The following NCAPD3 variants were observed in gnomAD, a reference collection of about 807,000 sequenced individuals.
NCAPD3 encodes condensin-2 complex subunit D3.
A neutral mutation model predicts 182.9 loss-of-function variants in NCAPD3; 105 were observed. That is an observed-to-expected ratio of 0.57 (90% CI 0.49 to 0.68). The LOEUF is 0.68. Ranked by LOEUF, NCAPD3 falls within the 30% of genes least tolerant of loss-of-function variation. The pLI is 0.00. For synonymous variants in NCAPD3, 815 were observed against 679.9 expected, an observed-to-expected ratio of 1.20 and a Z score of -3.09; for missense variants, 1,944 against 1,837.0, an observed-to-expected ratio of 1.06 and a Z score of -1.07.
Position 134,210,454 on chromosome 11 carries a change from C to T in NCAPD3, c.383G>A (p.Gly128Asp). The T allele has an allele frequency of 3.1e-6, 5 of 1,612,652 alleles. No homozygotes were observed. The highest frequency in any genetic ancestry group is 4.2e-6 in the Non-Finnish European group (5 of 1,178,864). Residue 128 changes from glycine (G) to aspartate (D), a missense_variant and splice_region_variant, in exon 4 of 35, where the codon GGC (glycine) becomes GAC (aspartate). Gly to Asp is a moderately conservative substitution (Grantham distance 94, BLOSUM62 -1). Coordinates refer to ENST00000534548, the MANE Select transcript of NCAPD3 (RefSeq NM_015261.3). ...GLYFLLLEVP[G>D]SVANQVFHPV... ...GTGGAATACTTGATTGGCTACACTG[C>T]CTATTCATGAGGAATAAAGAGTAAG...
chr11:134,165,966 G>A (rs189767419), intron 27 of NCAPD3, among the ~76,000 whole-genome samples: 2 of 117,174 alleles, frequency 1.7e-5, no homozygotes, highest in East Asian at 2.9e-4. Context: ...TTGGGGGAGG[G>A]GCACACTCAG....
chr11:134,167,776 G>A (rs1565527079), intron 27 of NCAPD3, among the ~76,000 whole-genome samples: 1 of 137,136 alleles, frequency 7.3e-6, no homozygotes, highest in African/African-American at 2.8e-5. Context: ...CTTGTGAGAT[G>A]AGCTTGGGGG....
Position 134,204,755 on chromosome 11 carries a change from T to C in NCAPD3, c.1089+144A>G, listed in dbSNP as rs1591856485. 2 of 625,974 alleles carry C rather than the reference T, an allele frequency of 3.2e-6. No homozygotes were observed. The highest frequency in any genetic ancestry group is 3.4e-5 in the Admixed American group (1 of 29,118). The allele number at this position is 625,974 out of a possible 1,614,324, so 38.8% of individuals were successfully genotyped here. On this transcript the variant is annotated intron_variant, in intron 9 of 34. Transcript: ENST00000534548. This position sits in a 1 kb window ranked among gnomAD's most constrained non-coding sequence, Gnocchi z 4.3. ...GAACACTTTTGTCTAGGGGACCATC[T>C]AGTGAACATTAAATAAAACCACTTT...
intron 27 of NCAPD3, among the ~76,000 whole-genome samples, chr11:134,165,114 C>A (rs1044540730): frequency 3.3e-5 from 5 of 151,330 alleles, no homozygotes; most frequent in African/African-American, 1.2e-4. Flanking sequence ...GCTGCACACT[C>A]ACTTGTGAGA....
intron 24 of NCAPD3, among the ~76,000 whole-genome samples, chr11:134,175,097 T>A (rs1944127821): frequency 6.6e-6 from 1 of 152,252 alleles, no homozygotes; most frequent in Admixed American, 6.5e-5. Context: ...ATGCTCTTCA[T>A]TTGATTGATG....
rs1943280421 is a variant in NCAPD3 at position 134,152,595 on chromosome 11, C to CTTGA, written c.*345_*348dup. 5.4e-6 allele frequency: 1 copy of CTTGA among 186,896 alleles called. No individual in the cohort carries two copies. The highest frequency in any genetic ancestry group is 1.1e-5 in the Non-Finnish European group (1 of 91,940). The allele number at this position is 186,896 out of a possible 1,614,324, so 11.6% of individuals were successfully genotyped here. A position where few individuals can be genotyped will look rare whatever the true frequency, so the allele number is the denominator to read the frequency against. On this transcript the variant is annotated 3_prime_UTR_variant, in exon 35 of 35. Coordinates refer to ENST00000534548, the MANE Select transcript of NCAPD3 (RefSeq NM_015261.3). ...TATAAGGAATTCAAGTTAACAGAGG[C>CTTGA]TTGATTTATATAAAAGAAAGCTGCA...
rs752677478 is a variant in NCAPD3 at position 134,216,975 on chromosome 11, G to A, written c.343C>T (p.His115Tyr). The A allele has an allele frequency of 1.2e-6, 2 of 1,613,498 alleles. No homozygotes were observed. Among genetic ancestry groups the A allele is most frequent in the Admixed American group, 1.7e-5 (1 of 59,952 alleles). ...AGCAAAAAGTAAAGCCCAGCGGCAT[G>A]AAGGCCATATTCTCGATACTGTACA... ...VSVQYREYGL[H>Y]AAGLYFLLLE... Residue 115 changes from histidine to tyrosine, a missense_variant, in exon 3 of 35, where the codon CAT becomes TAT. Coordinates refer to ENST00000534548, the MANE Select transcript of NCAPD3 (RefSeq NM_015261.3).
Position 134,162,976 on chromosome 11 carries a change from G to A in NCAPD3, c.3574-1085C>T, listed in dbSNP as rs574907737. 3.9e-5 allele frequency among the ~76,000 whole-genome samples: 6 copies of A among 152,264 alleles called. No individual in the cohort carries two copies. In the South Asian group the frequency reaches 1.2e-3, roughly 32 times the overall value. On this transcript the variant is annotated intron_variant, in intron 27 of 34. Transcript: ENST00000534548. ...AGGATGTGTGGAGAAGGGAGGATGG[G>A]TGGGTGAGGGCGCTGCAGACTTTAG... is the stretch of plus-strand genomic sequence containing the variant.
intron 7 of NCAPD3, among the ~76,000 whole-genome samples, chr11:134,208,202 A>ATG (rs1342987043): frequency 3.3e-5 from 5 of 152,222 alleles, no homozygotes; most frequent in Non-Finnish European, 5.9e-5. Context: ...CGCGTCGCAG[A>ATG]TACCAAAAGC....
rs752232158 is a variant in NCAPD3, at chr11:134,153,039, G to A, written c.4402C>T (p.Gln1468Ter). The A allele has an allele frequency of 6.2e-7, 1 of 1,602,624 alleles. No individual in the cohort carries two copies. The highest frequency in any genetic ancestry group is 1.1e-5 in the South Asian group (1 of 89,852). ...SLPDKPPPQP[Q>*]QWNVRSPARN... is the part of the protein sequence containing the mutation. ...GCGGGAGACCGCACATTCCACTGCT[G>A]AGGCTGTGGGGGCCTAGGGAAAGGA... The change falls in exon 35 of 35, where the codon CAG (glutamine) becomes TAG (stop). Residue 1468 changes from glutamine to a stop codon, truncating the protein, a stop_gained. Transcript: ENST00000534548. LOFTEE classifies it high-confidence loss of function.
At chr11:134,157,185 G>A (rs1049900911) in intron 31 of NCAPD3, 90 bp from the exon 32 acceptor site, 7 of 1,018,588 alleles carry the variant, frequency 6.9e-6, no homozygotes, top group South Asian at 5.4e-5. Flanking sequence ...TCTGCAAGAC[G>A]TAAAGTCAAA....
chr11:134,188,197 C>T (rs1944451086), intron 16 of NCAPD3, among the ~76,000 whole-genome samples: 1 of 151,956 alleles, frequency 6.6e-6, no homozygotes, highest in Non-Finnish European at 1.5e-5. Flanking sequence ...TATAAATGCA[C>T]CAATTAGCAC....
In NCAPD3 at chr11:134,206,524, T is replaced by A. The variant is rs1359157432; in HGVS notation, c.1016+75A>T. The A allele has an allele frequency of 1.9e-6, 3 of 1,561,968 alleles. No individual in the cohort carries two copies. The East Asian group carries it at 6.8e-5, about 35-fold the overall frequency. ...GCCAGAAATTTTAAGTCTACATGTA[T>A]CAGAAATCTTAGTGCAGGGCCCAGA... On this transcript the variant is annotated intron_variant, in intron 8 of 34. Transcript: ENST00000534548.
chr11:134,209,517 C>A, intron 4 of NCAPD3, 40 bp from the exon 5 acceptor site: 1 of 1,561,922 alleles, frequency 6.4e-7, no homozygotes. Flanking sequence ...GTAATAAATG[C>A]CAAACACTTT....
In NCAPD3 at chr11:134,181,203, CAT is replaced by C. The variant is rs776535730; in HGVS notation, c.2452-21_2452-20del. On this transcript the variant is annotated intron_variant, in intron 19 of 34. Coordinates refer to ENST00000534548, the MANE Select transcript of NCAPD3 (RefSeq NM_015261.3). ...GCAATTCCTACGGCAAGTCAAAAGT[CAT>C]CTCTGAAGGGCCCCGCACATCTCCC... is the stretch of plus-strand genomic sequence containing the variant. The C allele has an allele frequency of 1.1e-5, 17 of 1,575,694 alleles. No individual in the cohort carries two copies. Among genetic ancestry groups the C allele is most frequent in the Middle Eastern group, 3.3e-4 (2 of 6,044 alleles).
chr11:134,153,527 C>A, intron 32 of NCAPD3, 164 bp from the exon 33 acceptor site: 1 of 697,832 alleles, frequency 1.4e-6, no homozygotes. Flanking sequence ...GTTGAGGGCC[C>A]CTCCTGGGGA....
chr11:134,202,223 C>A (rs1222265297), intron 13 of NCAPD3, among the ~76,000 whole-genome samples: 1 of 152,144 alleles, frequency 6.6e-6, no homozygotes, highest in East Asian at 1.9e-4. Flanking sequence ...GTCTCTCTCT[C>A]TTTAAATCAC....
In NCAPD3 at chr11:134,184,701, C is replaced by G; in HGVS notation, c.2387G>C (p.Ser796Thr). 1 of 1,614,044 alleles carries G rather than the reference C, an allele frequency of 6.2e-7. No homozygotes were observed. The change falls in exon 19 of 35, where the codon AGT (serine) becomes ACT (threonine). Residue 796 changes from serine (S) to threonine (T), a missense_variant. Physicochemically the swap from Ser to Thr is moderately conservative, Grantham distance 58. This residue lies in a region of NCAPD3 where 1,803 missense variants were observed against 1,674.6 expected (regional missense o/e 1.08). Transcript: ENST00000534548. ...CCTCTGCAAGGCGTCAACAGCTGAA[C>G]TGATCACCTCTAGAGACCACTGAAA... Reference protein sequence around the residue: ...NGFQWSLEVISSAVDALQRLC... With the variant: ...NGFQWSLEVITSAVDALQRLC...
At chr11:134,199,762 T>C (rs1029209891) in intron 13 of NCAPD3, among the ~76,000 whole-genome samples, 2 of 152,238 alleles carry the variant, frequency 1.3e-5, no homozygotes, top group Admixed American at 6.5e-5. Context: ...CTTGTTTGTC[T>C]TGTTATGGGG....
Sources: gnomAD v4.1 joint callset for allele counts (sites outside exome capture counted in the v4.1 genomes callset) on GRCh38, gnomAD v4.1.1 for gene constraint, gnomAD v4.1.1 regional missense constraint, Gnocchi (gnomAD v3.1) non-coding constraint, MANE v1.5 for transcripts, NCBI Gene and HGNC (gene_info 2026-07-23, HGNC 2026-07-21) for gene names.